Variants in GRM8 observed in about 807,000 individuals in gnomAD.
GRM8 encodes the protein metabotropic glutamate receptor 8.
A neutral mutation model predicts 87.2 loss-of-function variants in GRM8; 47 were observed. The observed-to-expected ratio is 0.54, with a 90% confidence interval of 0.43 to 0.69. GRM8 has a LOEUF of 0.69. GRM8 is among the 30% of genes least tolerant of loss of function. The probability of loss-of-function intolerance (pLI) is 0.00; values close to 1 mark genes in which losing one functional copy is unlikely to be tolerated. For missense variants in GRM8, 1,019 were observed against 1,139.2 expected (o/e 0.89, Z 1.52); for synonymous variants, 396 against 404.5 (o/e 0.98, Z 0.25).
chr7:127,175,846 T>A (rs1435585025), intron 2 of GRM8, among the ~76,000 whole-genome samples: 3 of 152,132 alleles, frequency 2.0e-5, no homozygotes, highest in African/African-American at 7.2e-5. Context: ...AGAAATTTTT[T>A]AAAAAACATT....
At chr7:127,084,812 G>T (rs1823292219) in intron 3 of GRM8, 1 of 152,098 alleles carries the variant, frequency 6.6e-6, no homozygotes, top group Admixed American at 6.5e-5. Context: ...AAGACCACAG[G>T]TTGTTTTTTG....
At position 126,936,227 on chromosome 7, in the gene GRM8, T is replaced by A. The variant is rs79059001; in HGVS notation, c.728-31544A>T. ...TTAAAACGTTTGATCACTTGTCCTG[T>A]GATTTTTTTTCTTAAAACTCAACTC... is the stretch of plus-strand genomic sequence containing the variant. On this transcript the variant is annotated intron_variant, in intron 3 of 10. Transcript: ENST00000339582. 2.6e-4 allele frequency among the ~76,000 whole-genome samples: 39 copies of A among 152,310 alleles called. 1 individual carries two copies. In the East Asian group the frequency reaches 7.0e-3, roughly 27 times the overall value.
chr7:127,115,756 G>A (rs1826664719), intron 2 of GRM8, among the ~76,000 whole-genome samples: 2 of 152,184 alleles, frequency 1.3e-5, no homozygotes, highest in Non-Finnish European at 1.5e-5. Context: ...GTAGTGTGGG[G>A]ATTTTTAAGC....
chr7:126,532,716 C>T (rs1815006749), intron 9 of GRM8, among the ~76,000 whole-genome samples: 1 of 145,438 alleles, frequency 6.9e-6, no homozygotes, highest in Non-Finnish European at 1.5e-5. Context: ...CATGGAAAAT[C>T]AGGCTTTGTC....
intron 7 of GRM8, chr7:126,701,969 C>T (rs1357355743): frequency 6.4e-6 from 2 of 313,248 alleles, no homozygotes; most frequent in Admixed American, 7.3e-5. Context: ...TCCGAAGTGT[C>T]CCTATTTGAA....
intron 9 of GRM8, among the ~76,000 whole-genome samples, chr7:126,469,367 T>C (rs758381170): frequency 4.6e-5 from 7 of 152,134 alleles, no homozygotes; most frequent in Admixed American, 4.6e-4. Context: ...CACTCTTTTA[T>C]GAAAACTGCT....
intron 3 of GRM8, among the ~76,000 whole-genome samples, chr7:127,059,175 T>C (rs117166986): frequency 6.6e-6 from 1 of 152,168 alleles, no homozygotes; most frequent in East Asian, 1.9e-4. Context: ...TTTTTGTATC[T>C]TGAAAAATGA....
intron 6 of GRM8, among the ~76,000 whole-genome samples, chr7:126,885,122 T>C (rs1331146549): frequency 6.6e-6 from 1 of 152,084 alleles, no homozygotes; most frequent in Non-Finnish European, 1.5e-5. Flanking sequence ...TCTTGGAAAA[T>C]GAATTCACCA....
At chr7:126,772,579 C>T (rs1487290139) in intron 6 of GRM8, among the ~76,000 whole-genome samples, 1 of 152,090 alleles carries the variant, frequency 6.6e-6, no homozygotes, top group African/African-American at 2.4e-5. Context: ...GAAATTTCTG[C>T]TCTTCCATAC....
At chr7:126,960,885 G>A (rs111489032) in intron 3 of GRM8, among the ~76,000 whole-genome samples, 3 of 152,036 alleles carry the variant, frequency 2.0e-5, no homozygotes, top group African/African-American at 7.2e-5. Flanking sequence ...TTGCTAAATG[G>A]TTTAGCAATA....
chr7:127,093,504 C>T (rs1284348599), intron 3 of GRM8, among the ~76,000 whole-genome samples: 1 of 152,180 alleles, frequency 6.6e-6, no homozygotes, highest in Non-Finnish European at 1.5e-5. Context: ...CCCTATTTCC[C>T]TTAATAGCCC....
At chr7:126,475,279 T>G (rs1425708316) in intron 9 of GRM8, among the ~76,000 whole-genome samples, 1 of 152,104 alleles carries the variant, frequency 6.6e-6, no homozygotes, top group Admixed American at 6.6e-5. Context: ...TTCAGTATAG[T>G]TGTAGGATAC....
chr7:127,144,151 G>A (rs1176885755), intron 2 of GRM8, among the ~76,000 whole-genome samples: 3 of 152,026 alleles, frequency 2.0e-5, no homozygotes, highest in Non-Finnish European at 4.4e-5. Context: ...GGAACAGTGT[G>A]GGCACTAAAT....
chr7:126,922,785 G>A (rs2535943), intron 3 of GRM8, among the ~76,000 whole-genome samples: 61,358 of 151,788 alleles, frequency 0.4, 12,652 homozygotes, highest in East Asian at 0.66. Flanking sequence ...ATCCACCCTT[G>A]CTACTGTACA....
chr7:127,210,683 A>C (rs565469880), intron 2 of GRM8, among the ~76,000 whole-genome samples: 3 of 152,262 alleles, frequency 2.0e-5, no homozygotes, highest in Non-Finnish European at 2.9e-5. Flanking sequence ...CTTCTAGCCT[A>C]ACACTCTTTC....
At chr7:127,105,659 T>C (rs1825736619) in intron 3 of GRM8, among the ~76,000 whole-genome samples, 1 of 152,228 alleles carries the variant, frequency 6.6e-6, no homozygotes, top group African/African-American at 2.4e-5. Flanking sequence ...GACACTTTAA[T>C]TTTTCCACAA....
At chr7:126,561,770 TC>T (rs1469292456) in intron 8 of GRM8, among the ~76,000 whole-genome samples, 1 of 87,188 alleles carries the variant, frequency 1.1e-5, no homozygotes, top group Non-Finnish European at 2.2e-5. Flanking sequence ...ATGTTATCCC[TC>T]CCCCCTCCCC....
At chr7:126,600,224 C>G (rs1419985465) in intron 8 of GRM8, among the ~76,000 whole-genome samples, 1 of 151,998 alleles carries the variant, frequency 6.6e-6, no homozygotes, top group Non-Finnish European at 1.5e-5. Flanking sequence ...AATTAGAAAT[C>G]CGTTGATATC....
intron 2 of GRM8, among the ~76,000 whole-genome samples, chr7:127,173,136 T>C (rs1793913115): frequency 6.6e-6 from 1 of 152,190 alleles, no homozygotes. Flanking sequence ...AGGTTGCCTT[T>C]TAATAGAAAA....
Sources: allele counts gnomAD v4.1 joint callset (sites outside exome capture counted in the v4.1 genomes callset), GRCh38; gene constraint gnomAD v4.1.1; transcripts MANE v1.5; gene names NCBI Gene and HGNC (gene_info 2026-07-23, HGNC 2026-07-21).